Variants in NARS2 observed in about 807,000 individuals in gnomAD.
The protein encoded by NARS2 is asparaginyl-tRNA synthetase.
NARS2 carries 60 observed loss-of-function variants against 62.9 expected under a neutral mutation model. That is an observed-to-expected ratio of 0.95 (90% confidence interval 0.77 to 1.18). NARS2 has a LOEUF of 1.18. NARS2 is among the 50% of genes most tolerant of loss of function. NARS2 has a pLI of 0.00. For missense variants in NARS2, 619 were observed against 576.4 expected, an observed-to-expected ratio of 1.07 and a Z score of -0.76; for synonymous variants, 196 against 200.0, an observed-to-expected ratio of 0.98 and a Z score of 0.17.
At chr11:78,534,919 A>G (rs1259558811) in intron 5 of NARS2, among the ~76,000 whole-genome samples, 1 of 152,258 alleles carries the variant, frequency 6.6e-6, no homozygotes, top group East Asian at 1.9e-4. Flanking sequence ...CAAGGAATAC[A>G]GCAATAAAAG....
At position 78,436,589 on chromosome 11, in the gene NARS2, C is replaced by A; in HGVS notation, c.*81G>T. On this transcript the variant is annotated 3_prime_UTR_variant, in exon 14 of 14. Coordinates refer to ENST00000281038, the MANE Select transcript of NARS2 (RefSeq NM_024678.6). ...ATATTGAAATCTGCATTTCTAAAAT[C>A]CAAACATGCATTCTGCTGTATGCAC... is the stretch of plus-strand genomic sequence containing the variant. The A allele has an allele frequency of 2.1e-6, 3 of 1,407,466 alleles. No individual in the cohort carries two copies. The highest frequency in any genetic ancestry group is 2.9e-6 in the Non-Finnish European group (3 of 1,031,950). The allele number at this position is 1,407,466 out of a possible 1,614,324, so 87.2% of individuals were successfully genotyped here.
chr11:78,501,865 T>C (rs1453518440), intron 6 of NARS2, among the ~76,000 whole-genome samples: 1 of 152,120 alleles, frequency 6.6e-6, no homozygotes, highest in Non-Finnish European at 1.5e-5. Flanking sequence ...TAAAGACAGG[T>C]ATTCAAACAA....
chr11:78,504,213 T>C (rs1860396273), intron 6 of NARS2, among the ~76,000 whole-genome samples: 2 of 152,202 alleles, frequency 1.3e-5, no homozygotes, highest in South Asian at 4.1e-4. Flanking sequence ...CCCAGAATAA[T>C]TACCCAGTTG....
chr11:78,444,731 A>C (rs56379363), intron 11 of NARS2, among the ~76,000 whole-genome samples: 3,302 of 108,670 alleles, frequency 0.03, 117 homozygotes, highest in African/African-American at 0.1. Flanking sequence ...ACAAAACAAA[A>C]AAAAAAAAAA....
intron 5 of NARS2, among the ~76,000 whole-genome samples, chr11:78,544,256 C>G (rs186403954): frequency 4.5e-4 from 69 of 152,230 alleles, no homozygotes; most frequent in African/African-American, 1.6e-3. Context: ...TCTCCAAAGA[C>G]TCACAGCCAA....
chr11:78,546,327 C>CA (rs946609372), intron 5 of NARS2, among the ~76,000 whole-genome samples: 17 of 151,974 alleles, frequency 1.1e-4, no homozygotes, highest in African/African-American at 4.1e-4. Context: ...GGAGCCATTC[C>CA]AAAAAAACAA....
At chr11:78,468,310 G>GGAA (rs1555015326) in intron 10 of NARS2, among the ~76,000 whole-genome samples, 10 of 67,430 alleles carry the variant, frequency 1.5e-4, no homozygotes, top group Middle Eastern at 7.7e-3. Flanking sequence ...CACTAAATCT[G>GGAA]AAAAAAAAAA....
intron 5 of NARS2, among the ~76,000 whole-genome samples, chr11:78,551,188 A>G (rs1394178617): frequency 1.3e-5 from 2 of 152,204 alleles, no homozygotes; most frequent in East Asian, 3.8e-4. Flanking sequence ...GCAACTTTAT[A>G]CAGTTGTGCA....
intron 7 of NARS2, among the ~76,000 whole-genome samples, chr11:78,489,690 T>C (rs1158377183): frequency 1.3e-5 from 2 of 152,150 alleles, no homozygotes; most frequent in Non-Finnish European, 2.9e-5. Context: ...AACCAAGATC[T>C]GTATAATGAA....
intron 6 of NARS2, among the ~76,000 whole-genome samples, chr11:78,511,166 C>G (rs1860707503): frequency 6.6e-6 from 1 of 152,206 alleles, no homozygotes; most frequent in Non-Finnish European, 1.5e-5. Context: ...CAGCCTTGAC[C>G]TCCTAGGCTC....
intron 7 of NARS2, among the ~76,000 whole-genome samples, chr11:78,490,156 T>C (rs909788398): frequency 6.6e-6 from 1 of 152,204 alleles, no homozygotes; most frequent in Non-Finnish European, 1.5e-5. Flanking sequence ...CTTCAACTGG[T>C]GAAGGGATAA....
intron 12 of NARS2, among the ~76,000 whole-genome samples, chr11:78,442,342 T>C (rs1857601569): frequency 1.3e-5 from 2 of 152,242 alleles, no homozygotes; most frequent in South Asian, 4.1e-4. Context: ...GTCTAACGAA[T>C]ACAGTCTTCC....
At chr11:78,556,612 C>T (rs1856363884) in intron 5 of NARS2, among the ~76,000 whole-genome samples, 1 of 152,148 alleles carries the variant, frequency 6.6e-6, no homozygotes, top group African/African-American at 2.4e-5. Context: ...AGCCTTTTTC[C>T]ATCTATAAAA....
chr11:78,463,735 A>AAAAAAC (rs1411171606), intron 11 of NARS2, among the ~76,000 whole-genome samples: 21 of 150,990 alleles, frequency 1.4e-4, no homozygotes, highest in African/African-American at 5.1e-4. Flanking sequence ...AAAAAAAAAA[A>AAAAAAC]AACCACAGGA....
intron 4 of NARS2, among the ~76,000 whole-genome samples, chr11:78,563,841 A>ATAT (rs1397045598): frequency 7.1e-5 from 5 of 70,380 alleles, no homozygotes; most frequent in African/African-American, 3.6e-4. Flanking sequence ...AAAAAAAAAA[A>ATAT]AAAAAAAAAA....
chr11:78,492,953 C>T, intron 7 of NARS2, 110 bp downstream of exon 7: 2 of 926,414 alleles, frequency 2.2e-6, no homozygotes. Context: ...GTAGTTACCC[C>T]TTCTTTTCAC....
intron 5 of NARS2, among the ~76,000 whole-genome samples, chr11:78,546,801 A>C (rs990547058): frequency 6.6e-6 from 1 of 152,208 alleles, no homozygotes; most frequent in South Asian, 2.1e-4. Context: ...TCAAAGACGG[A>C]ACTATAAACA....
intron 6 of NARS2, among the ~76,000 whole-genome samples, chr11:78,521,039 A>C (rs1861097864): frequency 6.7e-6 from 1 of 149,384 alleles, no homozygotes; most frequent in Non-Finnish European, 1.5e-5. Context: ...AGCCTGGGCG[A>C]CAGAGCAAGA....
chr11:78,443,984 A>G, intron 11 of NARS2: 2 of 294,904 alleles, frequency 6.8e-6, no homozygotes, highest in Non-Finnish European at 1.3e-5. Flanking sequence ...AGAAATGTTA[A>G]TTATAAAAAT....
Sources: gnomAD v4.1 joint callset for allele counts (sites outside exome capture counted in the v4.1 genomes callset) on GRCh38, gnomAD v4.1.1 for gene constraint, MANE v1.5 for transcripts, NCBI Gene and HGNC (gene_info 2026-07-23, HGNC 2026-07-21) for gene names.